Variants in ARHGAP42 observed in about 807,000 individuals in gnomAD.
ARHGAP42 encodes the protein Rho GTPase activating protein 42, also known as rho GTPase-activating protein 42.
Under a neutral mutation model 125.0 loss-of-function variants are expected in ARHGAP42, and 63 were observed. That is an observed-to-expected ratio of 0.50 (90% CI 0.41 to 0.62). The LOEUF (loss-of-function observed/expected upper bound fraction) is 0.62. Among genes scored for constraint, ARHGAP42 ranks in the 20% least tolerant of loss-of-function variants. The pLI is 0.00. For synonymous variants in ARHGAP42, 339 were observed against 351.0 expected (o/e 0.97, Z 0.38); for missense variants, 766 against 1,024.2 (o/e 0.75, Z 3.44).
chr11:100,927,830 A>G (rs1867469536), intron 6 of ARHGAP42, among the ~76,000 whole-genome samples: 2 of 152,134 alleles, frequency 1.3e-5, no homozygotes, highest in Admixed American at 1.3e-4. Flanking sequence ...TGTTTTATTA[A>G]TCAGTGCACG....
chr11:100,992,200 T>C lies in ARHGAP42; in HGVS notation c.*3399T>C. 5.5e-6 allele frequency: 7 copies of C among 1,278,830 alleles called. No homozygotes were observed. The highest frequency in any genetic ancestry group is 7.5e-6 in the Non-Finnish European group (7 of 939,244). 79.2% of individuals were successfully genotyped at this position (1,278,830 alleles called of 1,614,324 possible). On this transcript the variant is annotated 3_prime_UTR_variant, in exon 24 of 24. Coordinates refer to ENST00000298815, the MANE Select transcript of ARHGAP42 (RefSeq NM_152432.4). The stretch of plus-strand genomic sequence containing the variant: ...TATTCAGGATGCCTTCTTTAGCATT[T>C]AGAACCCCAACTAGACTTATACTTT...
intron 3 of ARHGAP42, among the ~76,000 whole-genome samples, chr11:100,815,384 T>C (rs1018690216): frequency 6.6e-6 from 1 of 152,182 alleles, no homozygotes; most frequent in Non-Finnish European, 1.5e-5. Context: ...TTAAGGCAAA[T>C]TGTGTGAAAG....
chr11:100,892,927 C>G (rs1426316363), intron 4 of ARHGAP42, among the ~76,000 whole-genome samples: 1 of 152,190 alleles, frequency 6.6e-6, no homozygotes, highest in Admixed American at 6.5e-5. Flanking sequence ...CCATTTTCTT[C>G]TGTTGTATCC....
At chr11:100,977,118 C>T in intron 21 of ARHGAP42, 147 bp downstream of exon 21, 1 of 898,930 alleles carries the variant, frequency 1.1e-6, no homozygotes, top group Non-Finnish European at 1.6e-6. Flanking sequence ...CTGTAAGACT[C>T]TATTCTTTTC....
intron 2 of ARHGAP42, among the ~76,000 whole-genome samples, chr11:100,793,224 A>G (rs956732177): frequency 3.3e-5 from 5 of 152,272 alleles, no homozygotes; most frequent in Middle Eastern, 3.4e-3. Context: ...GTAGATACCT[A>G]CCAGAATGAT....
chr11:100,738,534 T>A (rs921235360), intron 1 of ARHGAP42: 3 of 152,260 alleles, frequency 2.0e-5, no homozygotes, highest in African/African-American at 7.2e-5. Flanking sequence ...ATATTTTTTC[T>A]CATTTTGCAA....
In ARHGAP42 at chr11:100,837,403, C is replaced by T. The variant is rs138754396; in HGVS notation, c.313-22151C>T. ...CAAAATCTGGAATGGTTTTGTTGTC[C>T]GTAAGGCTAGTTTAGGTTTTGTCTT... On this transcript the variant is annotated intron_variant, in intron 3 of 23. Coordinates refer to ENST00000298815, the MANE Select transcript of ARHGAP42 (RefSeq NM_152432.4). Among the ~76,000 whole-genome samples the T allele has an allele frequency of 3.1e-3, 477 of 151,478 alleles. 2 individuals are homozygous for T. Among genetic ancestry groups the T allele is most frequent in the African/African-American group, 0.01 (432 of 41,288 alleles).
At chr11:100,878,006 GAAAA>G (rs35482152) in intron 4 of ARHGAP42, among the ~76,000 whole-genome samples, 1 of 64,448 alleles carries the variant, frequency 1.6e-5, no homozygotes, top group African/African-American at 5.5e-5. Flanking sequence ...CTCTGTCCCA[GAAAA>G]AAAAAAAAAA....
chr11:100,726,329 C>T (rs1279248220), intron 1 of ARHGAP42, among the ~76,000 whole-genome samples: 5 of 151,820 alleles, frequency 3.3e-5, no homozygotes, highest in African/African-American at 7.2e-5. Context: ...TGTGGAGATA[C>T]TGGTGGTGCT....
Position 100,744,132 on chromosome 11 carries a change from G to A in ARHGAP42, c.155-26211G>A, listed in dbSNP as rs533718720. On this transcript the variant is annotated intron_variant, in intron 1 of 23. Transcript: ENST00000298815. Reference sequence around the variant, plus strand: ...ACTACAGGCGCCTGCCTCCACGCCCGGCTAATTTTTCTATTTTTAGTAGAG... The same window carrying A: ...ACTACAGGCGCCTGCCTCCACGCCCAGCTAATTTTTCTATTTTTAGTAGAG... Among the ~76,000 whole-genome samples, 10 of 152,170 alleles carry A rather than the reference G, an allele frequency of 6.6e-5. No homozygotes were observed. In the East Asian group the frequency reaches 7.7e-4, roughly 12 times the overall value.
rs186204690 is a variant in ARHGAP42, at chr11:100,731,802, C to T, written c.155-38541C>T. Among the ~76,000 whole-genome samples, 3 of 152,274 alleles carry T rather than the reference C, an allele frequency of 2.0e-5. No individual in the cohort carries two copies. In the East Asian group the frequency reaches 5.8e-4, roughly 29 times the overall value. On this transcript the variant is annotated intron_variant, in intron 1 of 23. Transcript: ENST00000298815. Reference sequence around the variant, plus strand: ...CTTCCAGTTAATGACTATTGTATTTCCATCAGATCTTTGTTCAAAAGTAGC... The same window carrying T: ...CTTCCAGTTAATGACTATTGTATTTTCATCAGATCTTTGTTCAAAAGTAGC...
intron 1 of ARHGAP42, among the ~76,000 whole-genome samples, chr11:100,748,573 G>GT (rs936227950): frequency 5.3e-5 from 8 of 150,366 alleles, no homozygotes; most frequent in South Asian, 2.1e-4. Flanking sequence ...TTTTGTTTTT[G>GT]TTTTTTTTGA....
intron 8 of ARHGAP42, 61 bp from the exon 9 acceptor site, chr11:100,941,723 C>A: frequency 1.9e-6 from 2 of 1,063,208 alleles, no homozygotes; most frequent in Non-Finnish European, 2.7e-6. Context: ...GGAGAATGTG[C>A]AAACTTTGAT....
intron 3 of ARHGAP42, 54 bp from the exon 4 acceptor site, chr11:100,859,500 T>A (rs1865395372): frequency 6.9e-7 from 1 of 1,441,462 alleles, no homozygotes; most frequent in African/African-American, 1.4e-5. Context: ...ATTTTTTCAA[T>A]GTTGTTGGCA....
intron 1 of ARHGAP42, among the ~76,000 whole-genome samples, chr11:100,749,059 A>T (rs1307805296): frequency 6.6e-6 from 1 of 151,466 alleles, no homozygotes; most frequent in African/African-American, 2.4e-5. Flanking sequence ...CCAGCGGCTT[A>T]TGCTGCTGTT....
chr11:100,869,728 T>C (rs1181827348), intron 4 of ARHGAP42, among the ~76,000 whole-genome samples: 1 of 152,204 alleles, frequency 6.6e-6, no homozygotes, highest in Non-Finnish European at 1.5e-5. Context: ...AATGTATGCA[T>C]ACCTCCATCC....
intron 3 of ARHGAP42, among the ~76,000 whole-genome samples, chr11:100,825,477 A>G (rs548521184): frequency 3.2e-4 from 49 of 152,226 alleles, no homozygotes; most frequent in Admixed American, 1.0e-3. Flanking sequence ...TCAAATAAAA[A>G]CAACACGATT....
intron 3 of ARHGAP42, 96 bp downstream of exon 3, chr11:100,795,262 C>T (rs760670198): frequency 8.4e-6 from 7 of 829,986 alleles, no homozygotes; most frequent in African/African-American, 1.8e-5. Flanking sequence ...TATACAAGGC[C>T]TTATGATTTG....
At chr11:100,708,046 T>C (rs565581797) in intron 1 of ARHGAP42, among the ~76,000 whole-genome samples, 1 of 152,346 alleles carries the variant, frequency 6.6e-6, no homozygotes, top group South Asian at 2.1e-4. Context: ...CTGTTGTAGA[T>C]ATGGAGATTG....
Sources: gnomAD v4.1 joint callset for allele counts (sites outside exome capture counted in the v4.1 genomes callset) on GRCh38, gnomAD v4.1.1 for gene constraint, MANE v1.5 for transcripts, NCBI Gene and HGNC (gene_info 2026-07-23, HGNC 2026-07-21) for gene names.